CACNB2: variants seen among roughly 807,000 people sequenced by gnomAD.
CACNB2 encodes voltage-dependent L-type calcium channel subunit beta-2.
Under a neutral mutation model 73.3 loss-of-function variants are expected in CACNB2, and 42 were observed. That is an observed-to-expected ratio of 0.57 (90% CI 0.45 to 0.74). CACNB2 has a LOEUF of 0.74. CACNB2 is among the 30% of genes least tolerant of loss of function. The probability of loss-of-function intolerance (pLI) is 0.00; values close to 1 mark genes in which losing one functional copy is unlikely to be tolerated. For synonymous variants in CACNB2, 348 were observed against 310.3 expected (o/e 1.12, Z -1.28); for missense variants, 940 against 853.0 (o/e 1.10, Z -1.27).
At chr10:18,175,108 C>T (rs1447717950) in intron 2 of CACNB2, among the ~76,000 whole-genome samples, 3 of 152,106 alleles carry the variant, frequency 2.0e-5, no homozygotes, top group Non-Finnish European at 2.9e-5. Context: ...GTTTAAAAGT[C>T]TTCTTAAATA....
chr10:18,360,406 G>A (rs2042095485), intron 2 of CACNB2, among the ~76,000 whole-genome samples: 1 of 152,052 alleles, frequency 6.6e-6, no homozygotes, highest in African/African-American at 2.4e-5. Flanking sequence ...TTTGTTTTTT[G>A]TAGGGATGGA....
At chr10:18,439,175 T>C (rs1053047304) in intron 3 of CACNB2, among the ~76,000 whole-genome samples, 1 of 152,232 alleles carries the variant, frequency 6.6e-6, no homozygotes, top group African/African-American at 2.4e-5. Context: ...GGGGCTTATA[T>C]ACCATTTTAA....
At chr10:18,266,872 A>G (rs2131622692) in intron 2 of CACNB2, among the ~76,000 whole-genome samples, 1 of 152,366 alleles carries the variant, frequency 6.6e-6, no homozygotes. Flanking sequence ...CCTGGGAGAC[A>G]GACGAGACTC....
At chr10:18,358,672 A>G (rs762397226) in intron 2 of CACNB2, among the ~76,000 whole-genome samples, 6 of 152,056 alleles carry the variant, frequency 3.9e-5, no homozygotes, top group Non-Finnish European at 7.4e-5. Context: ...CAGAATACTT[A>G]CCATATAAAT....
At chr10:18,184,120 AATC>A (rs1230821964) in intron 2 of CACNB2, among the ~76,000 whole-genome samples, 1 of 152,178 alleles carries the variant, frequency 6.6e-6, no homozygotes, top group Non-Finnish European at 1.5e-5. Context: ...ATTTAATTTT[AATC>A]ATCTTTGTAT....
In CACNB2 at chr10:18,409,224, G is replaced by A. The variant is rs935290151; in HGVS notation, c.333+7181G>A. On this transcript the variant is annotated intron_variant, in intron 3 of 13. Transcript: ENST00000324631. ...TGAAGCAGGAGAATCACTTGAACCC[G>A]GAGGCGGAGGTTGCAGTGAGCCGAG... Among the ~76,000 whole-genome samples, 12 of 151,942 alleles carry A rather than the reference G, an allele frequency of 7.9e-5. No homozygotes were observed. The South Asian group carries it at 8.3e-4, about 11-fold the overall frequency.
chr10:18,484,767 A>T (rs7476477), intron 3 of CACNB2, among the ~76,000 whole-genome samples: 1 of 152,036 alleles, frequency 6.6e-6, no homozygotes, highest in African/African-American at 2.4e-5. Context: ...TAAAATGTTT[A>T]TTGTATTTAC....
At chr10:18,196,350 T>G (rs2034624547) in intron 2 of CACNB2, among the ~76,000 whole-genome samples, 1 of 149,770 alleles carries the variant, frequency 6.7e-6, no homozygotes, top group Non-Finnish European at 1.5e-5. Flanking sequence ...TGGAGTGCAG[T>G]GGCCTGATCA....
Position 18,518,382 on chromosome 10 carries a change from T to C in CACNB2, c.851T>C (p.Val284Ala). ...PYDVVPSMRPVVLVGPSLKGY... is the reference protein window; with the variant it reads ...PYDVVPSMRPAVLVGPSLKGY... ...GATGTGGTACCTTCCATGCGACCAGTGGTCCTAGTGGGCCCTTCTCTGAAG... is the reference window on the plus strand; with the variant it reads ...GATGTGGTACCTTCCATGCGACCAGCGGTCCTAGTGGGCCCTTCTCTGAAG... Residue 284 changes from valine to alanine, a missense_variant, in exon 8 of 14, where the codon GTG becomes GCG. Val to Ala is a moderately conservative substitution (Grantham distance 64). Transcript: ENST00000324631. 1 of 1,613,544 alleles carries C rather than the reference T, an allele frequency of 6.2e-7. No homozygotes were observed. Among genetic ancestry groups the C allele is most frequent in the Non-Finnish European group, 8.5e-7 (1 of 1,179,502 alleles).
intron 2 of CACNB2, among the ~76,000 whole-genome samples, chr10:18,162,190 C>A (rs1038276462): frequency 1.3e-5 from 2 of 152,176 alleles, no homozygotes; most frequent in South Asian, 4.1e-4. Context: ...TTCCATTTCT[C>A]ATAGCACATT....
chr10:18,404,789 TGAC>T (rs1267360077), intron 3 of CACNB2, among the ~76,000 whole-genome samples: 2 of 152,204 alleles, frequency 1.3e-5, no homozygotes, highest in African/African-American at 4.8e-5. Context: ...AAAATTTAAG[TGAC>T]CTACAAAAGG....
At chr10:18,258,057 T>C (rs1383655851) in intron 2 of CACNB2, among the ~76,000 whole-genome samples, 1 of 152,172 alleles carries the variant, frequency 6.6e-6, no homozygotes, top group Non-Finnish European at 1.5e-5. Context: ...TCAGTTCTTA[T>C]ACGTGCCTAG....
chr10:18,154,253 A>G (rs1303423379), intron 2 of CACNB2, among the ~76,000 whole-genome samples: 1 of 151,422 alleles, frequency 6.6e-6, no homozygotes, highest in Non-Finnish European at 1.5e-5. Context: ...GAGGTTGATA[A>G]TGTGAAAATT....
chr10:18,357,038 G>T (rs1354645006), intron 2 of CACNB2, among the ~76,000 whole-genome samples: 5 of 142,390 alleles, frequency 3.5e-5, no homozygotes, highest in Non-Finnish European at 6.0e-5. Flanking sequence ...TCCGCCTCCC[G>T]GGTTCACGCC....
chr10:18,538,642 C>A (rs1215250333), intron 13 of CACNB2, among the ~76,000 whole-genome samples: 1 of 152,154 alleles, frequency 6.6e-6, no homozygotes, highest in Non-Finnish European at 1.5e-5. Context: ...GCACCTCTTA[C>A]CACTTGTGGG....
chr10:18,504,834 A>G (rs2050403150), intron 5 of CACNB2, among the ~76,000 whole-genome samples: 1 of 152,092 alleles, frequency 6.6e-6, no homozygotes, highest in African/African-American at 2.4e-5. Flanking sequence ...TAGTAGAGAC[A>G]GGGTTTCACT....
chr10:18,384,797 G>A (rs1224490726), intron 2 of CACNB2, among the ~76,000 whole-genome samples: 1 of 148,706 alleles, frequency 6.7e-6, no homozygotes, highest in African/African-American at 2.5e-5. Flanking sequence ...TATGAACATG[G>A]TAAAAAAAAA....
intron 11 of CACNB2, among the ~76,000 whole-genome samples, chr10:18,534,534 A>C (rs2053372402): frequency 6.6e-6 from 1 of 152,226 alleles, no homozygotes; most frequent in East Asian, 1.9e-4. Flanking sequence ...TGCATGGCTG[A>C]TGCAAAAGCA....
intron 1 of CACNB2, among the ~76,000 whole-genome samples, chr10:18,145,139 C>T (rs550448938): frequency 6.6e-6 from 1 of 152,312 alleles, no homozygotes; most frequent in African/African-American, 2.4e-5. Context: ...CCAGCCCAGC[C>T]GAGTCTGCCA....
Sources: allele counts gnomAD v4.1 joint callset (sites outside exome capture counted in the v4.1 genomes callset), GRCh38; gene constraint gnomAD v4.1.1; transcripts MANE v1.5; gene names NCBI Gene and HGNC (gene_info 2026-07-23, HGNC 2026-07-21).